KIRREL3: variants seen among roughly 807,000 people sequenced by gnomAD.
The protein encoded by KIRREL3 is kirre like nephrin family adhesion molecule 3, also known as kin of IRRE-like protein 3.
In KIRREL3, 36 loss-of-function variants were observed where a neutral mutation model predicts 89.7. The observed-to-expected ratio is 0.40, with a 90% CI of 0.31 to 0.53. The LOEUF (loss-of-function observed/expected upper bound fraction) is 0.53, where lower values mean the gene tolerates loss of function less well. KIRREL3 is among the 20% of genes least tolerant of loss of function. KIRREL3 has a pLI of 0.49. For missense variants in KIRREL3, 864 were observed against 1,056.6 expected (o/e 0.82, Z 2.53); for synonymous variants, 445 against 441.4 (o/e 1.01, Z -0.10).
chr11:126,972,765 C>T (rs1949463011), intron 1 of KIRREL3, among the ~76,000 whole-genome samples: 1 of 152,158 alleles, frequency 6.6e-6, no homozygotes. Context: ...TATGTACACA[C>T]ACCTTCTCTT....
chr11:126,923,129 C>CTCCTTCTTCTCTTCT lies in KIRREL3; in HGVS notation c.55+77325_55+77326insAGAAGAGAAGAAGGA, dbSNP rs1246765425. 2.3e-4 allele frequency among the ~76,000 whole-genome samples: 6 copies of CTCCTTCTTCTCTTCT among 25,732 alleles called. 1 individual carries two copies. The highest frequency in any genetic ancestry group is 4.1e-4 in the Admixed American group (1 of 2,466). 16.9% of individuals were successfully genotyped at this position (25,732 alleles called of 152,430 possible). A position where few individuals can be genotyped will look rare whatever the true frequency, so the allele number is the denominator to read the frequency against. Reference sequence around the variant, plus strand: ...CCTTCTCCTTCTCCTTCTCCTTCTTCTCTTCTTCTTCTTCTTCTTCTTCTT... The same window carrying CTCCTTCTTCTCTTCT: ...CCTTCTCCTTCTCCTTCTCCTTCTTCTCCTTCTTCTCTTCTTCTTCTTCTTCTTCTTCTTCTTCTT... On this transcript the variant is annotated intron_variant, in intron 1 of 16. Coordinates refer to ENST00000525144, the MANE Select transcript of KIRREL3 (RefSeq NM_032531.4).
chr11:126,595,625 C>G (rs1254298445), intron 1 of KIRREL3, among the ~76,000 whole-genome samples: 2 of 152,180 alleles, frequency 1.3e-5, no homozygotes. Flanking sequence ...GGACTGTGTC[C>G]TTTGCCTAAG....
Position 126,938,441 on chromosome 11 carries a change from G to A in KIRREL3, c.55+62014C>T, listed in dbSNP as rs114101099. 4.8e-3 allele frequency among the ~76,000 whole-genome samples: 731 copies of A among 152,296 alleles called. 7 individuals are homozygous for A. Among genetic ancestry groups the A allele is most frequent in the African/African-American group, 0.017 (704 of 41,552 alleles). On this transcript the variant is annotated intron_variant, in intron 1 of 16. Coordinates refer to ENST00000525144, the MANE Select transcript of KIRREL3 (RefSeq NM_032531.4). ...GATGAGCACAGTAAGGCTAAGAAAG[G>A]TCAAGTAAATTGCTCAAGATCACAT...
chr11:126,520,163 T>C lies in KIRREL3; in HGVS notation c.433+1152A>G, dbSNP rs7933312. 0.29 allele frequency among the ~76,000 whole-genome samples: 43,448 copies of C among 152,036 alleles called. 7,707 individuals are homozygous for C. The highest frequency in any genetic ancestry group is 0.49 in the African/African-American group (20,501 of 41,442). ...ATGTAGATCTGAAGATAACCTGACA[T>C]GCTTTTAAATATTTCATCTCTGAGC... On this transcript the variant is annotated intron_variant, in intron 4 of 16. Coordinates refer to ENST00000525144, the MANE Select transcript of KIRREL3 (RefSeq NM_032531.4). This position sits in a 1 kb window ranked among gnomAD's most constrained non-coding sequence, Gnocchi z 4.9.
At chr11:126,939,133 G>T (rs558105940) in intron 1 of KIRREL3, among the ~76,000 whole-genome samples, 1 of 152,304 alleles carries the variant, frequency 6.6e-6, no homozygotes, top group South Asian at 2.1e-4. Flanking sequence ...TGCTGTGGGG[G>T]TCTGTGCATG....
At position 126,430,311 on chromosome 11, in the gene KIRREL3, G is replaced by C. The variant is rs1003459143; in HGVS notation, c.1697-1023C>G. On this transcript the variant is annotated intron_variant, in intron 14 of 16. Transcript: ENST00000525144. The surrounding 1 kb of genome is among the most constrained non-coding windows in gnomAD (Gnocchi z 6.6). The stretch of plus-strand genomic sequence containing the variant: ...AATTAAAAAAATAGCAAGGCATGAT[G>C]GCACACGCCTGTAATCCCAGCGACT... Among the ~76,000 whole-genome samples, 4 of 152,106 alleles carry C rather than the reference G, an allele frequency of 2.6e-5. No individual in the cohort carries two copies. The highest frequency in any genetic ancestry group is 4.4e-5 in the Non-Finnish European group (3 of 68,030).
chr11:126,806,069 C>T (rs1485868721), intron 1 of KIRREL3, among the ~76,000 whole-genome samples: 1 of 152,210 alleles, frequency 6.6e-6, no homozygotes, highest in Admixed American at 6.5e-5. Flanking sequence ...GTTGTACAAA[C>T]ATCCAGACCT....
Position 126,555,001 on chromosome 11 carries a change from C to T in KIRREL3, c.133+7834G>A, listed in dbSNP as rs781375536. ...ATGATTGCCTTCTTCCTGCACCATC[C>T]CCTTTCCAACTCCTCATTCCGCCAA... On this transcript the variant is annotated intron_variant, in intron 2 of 16. Coordinates refer to ENST00000525144, the MANE Select transcript of KIRREL3 (RefSeq NM_032531.4). This position sits in a 1 kb window ranked among gnomAD's most constrained non-coding sequence, Gnocchi z 4.2. Among the ~76,000 whole-genome samples the T allele has an allele frequency of 1.3e-5, 2 of 152,188 alleles. No individual in the cohort carries two copies. The highest frequency in any genetic ancestry group is 2.1e-4 in the South Asian group (1 of 4,830).
Position 126,436,862 on chromosome 11 carries a change from C to T in KIRREL3, c.1501G>A (p.Ala501Thr), listed in dbSNP as rs1245204830. Reference sequence around the variant, plus strand: ...GTGTCGGAGCCGAAGCTGTTCCAGGCCGTGCAGTTGTAGATGGTCTGGAAG... The same window carrying T: ...GTGTCGGAGCCGAAGCTGTTCCAGGTCGTGCAGTTGTAGATGGTCTGGAAG... ...ADFQTIYNCT[A>T]WNSFGSDTEI... The change falls in exon 12 of 17, where the codon GCC becomes ACC. Residue 501 changes from alanine (A) to threonine (T), a missense_variant. Coordinates refer to ENST00000525144, the MANE Select transcript of KIRREL3 (RefSeq NM_032531.4). 6.2e-7 allele frequency: 1 copy of T among 1,613,754 alleles called. No homozygotes were observed. The highest frequency in any genetic ancestry group is 8.5e-7 in the Non-Finnish European group (1 of 1,179,882).
chr11:126,959,540 C>T (rs1251555066), intron 1 of KIRREL3, among the ~76,000 whole-genome samples: 2 of 152,218 alleles, frequency 1.3e-5, no homozygotes, highest in South Asian at 2.1e-4. Flanking sequence ...CCCAAGACCA[C>T]ACTTATGTTG....
intron 2 of KIRREL3, among the ~76,000 whole-genome samples, chr11:126,560,655 C>G (rs1306723246): frequency 6.6e-6 from 1 of 152,134 alleles, no homozygotes; most frequent in African/African-American, 2.4e-5. Context: ...AGCACTTCTC[C>G]CTGGGTGACA....
chr11:126,961,980 C>T (rs1285289504), intron 1 of KIRREL3, among the ~76,000 whole-genome samples: 1 of 152,240 alleles, frequency 6.6e-6, no homozygotes, highest in African/African-American at 2.4e-5. Flanking sequence ...TTTAAGCCCA[C>T]TGTTGAGAAC....
In KIRREL3 at chr11:126,750,369, C is replaced by T. The variant is rs1949294518; in HGVS notation, c.56-187457G>A. ...TCTGGTTGTAAATATGTTTGATGCT[C>T]CTACGTGTGGGTGCTCGAAGCCCAC... On this transcript the variant is annotated intron_variant, in intron 1 of 16. Coordinates refer to ENST00000525144, the MANE Select transcript of KIRREL3 (RefSeq NM_032531.4). This position sits in a 1 kb window ranked among gnomAD's most constrained non-coding sequence, Gnocchi z 4.2. Among the ~76,000 whole-genome samples the T allele has an allele frequency of 6.6e-6, 1 of 152,290 alleles. No individual in the cohort carries two copies. The highest frequency in any genetic ancestry group is 2.1e-4 in the South Asian group (1 of 4,820).
chr11:126,861,632 A>C (rs1277566751), intron 1 of KIRREL3, among the ~76,000 whole-genome samples: 1 of 152,220 alleles, frequency 6.6e-6, no homozygotes, highest in Non-Finnish European at 1.5e-5. Context: ...ATTTCACAGG[A>C]TATCAGTTAG....
At chr11:126,667,945 G>A (rs1225280238) in intron 1 of KIRREL3, among the ~76,000 whole-genome samples, 1 of 152,086 alleles carries the variant, frequency 6.6e-6, no homozygotes, top group Non-Finnish European at 1.5e-5. Flanking sequence ...GAAAAATCCT[G>A]TAGCTTCTTT....
chr11:126,814,610 C>T lies in KIRREL3; in HGVS notation c.55+185845G>A, dbSNP rs572143521. 2.0e-5 allele frequency among the ~76,000 whole-genome samples: 3 copies of T among 152,266 alleles called. No individual in the cohort carries two copies. The highest frequency in any genetic ancestry group is 7.2e-5 in the African/African-American group (3 of 41,544). On this transcript the variant is annotated intron_variant, in intron 1 of 16. Transcript: ENST00000525144. The surrounding 1 kb of genome is among the most constrained non-coding windows in gnomAD (Gnocchi z 4.4). ...GCCATAAAAAGGAATGAGATCATGTCCTTTGCAGGGACATGGATGGAGCTG... is the reference window on the plus strand; with the variant it reads ...GCCATAAAAAGGAATGAGATCATGTTCTTTGCAGGGACATGGATGGAGCTG...
chr11:126,973,099 GGAAA>G (rs1396840592), intron 1 of KIRREL3, among the ~76,000 whole-genome samples: 1 of 41,138 alleles, frequency 2.4e-5, no homozygotes, highest in Non-Finnish European at 4.7e-5. Context: ...TAAGTTTTGA[GGAAA>G]AAAAAAAAAA....
Position 126,515,343 on chromosome 11 carries a change from G to C in KIRREL3, c.433+5972C>G, listed in dbSNP as rs1958376872. On this transcript the variant is annotated intron_variant, in intron 4 of 16. Coordinates refer to ENST00000525144, the MANE Select transcript of KIRREL3 (RefSeq NM_032531.4). The surrounding 1 kb of genome is among the most constrained non-coding windows in gnomAD (Gnocchi z 4.2). ...TGCATGCCTGTGGTCTCAGCTACTCGGGAGGCTGAGGTGGGAGGATCGCTT... is the reference window on the plus strand; with the variant it reads ...TGCATGCCTGTGGTCTCAGCTACTCCGGAGGCTGAGGTGGGAGGATCGCTT... Among the ~76,000 whole-genome samples the C allele has an allele frequency of 6.6e-6, 1 of 152,132 alleles. No individual in the cohort carries two copies. Among genetic ancestry groups the C allele is most frequent in the African/African-American group, 2.4e-5 (1 of 41,414 alleles).
rs1945353276 is a variant in KIRREL3 at position 126,877,978 on chromosome 11, G to T, written c.55+122477C>A. On this transcript the variant is annotated intron_variant, in intron 1 of 16. Coordinates refer to ENST00000525144, the MANE Select transcript of KIRREL3 (RefSeq NM_032531.4). The surrounding 1 kb of genome is among the most constrained non-coding windows in gnomAD (Gnocchi z 4.9). ...ACCAATGATGGGACCTAGAATCAAA[G>T]ATATGGAGGTGACTCGTCCAAGGTC... is the stretch of plus-strand genomic sequence containing the variant. Among the ~76,000 whole-genome samples the T allele has an allele frequency of 6.6e-6, 1 of 152,132 alleles. No homozygotes were observed. The highest frequency in any genetic ancestry group is 2.4e-5 in the African/African-American group (1 of 41,416).
Sources: allele counts gnomAD v4.1 joint callset (sites outside exome capture counted in the v4.1 genomes callset), GRCh38; gene constraint gnomAD v4.1.1; non-coding constraint Gnocchi (gnomAD v3.1); transcripts MANE v1.5; gene names NCBI Gene and HGNC (gene_info 2026-07-23, HGNC 2026-07-21).